The following SFMBT2 variants were observed in gnomAD, a reference collection of about 807,000 sequenced individuals.
SFMBT2 encodes Scm like with four mbt domains 2.
In SFMBT2, 38 loss-of-function variants were observed where a neutral mutation model predicts 110.1. The ratio of observed to expected loss-of-function variants is 0.35; its 90% CI spans 0.27 to 0.45. The LOEUF (loss-of-function observed/expected upper bound fraction) is 0.45, where lower values mean the gene tolerates loss of function less well. Ranked by LOEUF, SFMBT2 falls within the 20% of genes least tolerant of loss-of-function variation. The pLI, the probability that SFMBT2 is intolerant of heterozygous loss-of-function variation, is 1.00. For synonymous variants in SFMBT2, 425 were observed against 425.4 expected (o/e 1.00, Z 0.01); for missense variants, 1,011 against 1,094.9 (o/e 0.92, Z 1.08).
intron 7 of SFMBT2, among the ~76,000 whole-genome samples, chr10:7,256,516 C>G (rs1841012732): frequency 6.6e-6 from 1 of 152,154 alleles, no homozygotes; most frequent in African/African-American, 2.4e-5. Flanking sequence ...AAATGTTTAC[C>G]TACAGCCAGT....
At chr10:7,261,137 A>G (rs757877209) in intron 7 of SFMBT2, among the ~76,000 whole-genome samples, 26 of 152,162 alleles carry the variant, frequency 1.7e-4, no homozygotes, top group Admixed American at 1.0e-3. Flanking sequence ...GTGAGATAGT[A>G]TATGCACAGT....
chr10:7,285,821 TG>T, intron 5 of SFMBT2, 44 bp downstream of exon 5: 1 of 853,020 alleles, frequency 1.2e-6, no homozygotes, highest in Non-Finnish European at 2.1e-6. Context: ...CTCACGTAAC[TG>T]GGGTGCTTCA....
At chr10:7,308,653 C>G (rs1479031181) in intron 4 of SFMBT2, among the ~76,000 whole-genome samples, 2 of 152,300 alleles carry the variant, frequency 1.3e-5, no homozygotes, top group African/African-American at 4.8e-5. Flanking sequence ...CCTGGCTCCC[C>G]TGCAGCTCTC....
At chr10:7,285,711 A>T in intron 5 of SFMBT2, 155 bp downstream of exon 5, 1 of 645,852 alleles carries the variant, frequency 1.5e-6, no homozygotes, top group Middle Eastern at 4.0e-4. Context: ...TCACCTAAGT[A>T]ATTCAGGACA....
At chr10:7,369,512 A>C (rs1052634832) in intron 3 of SFMBT2, among the ~76,000 whole-genome samples, 3 of 152,212 alleles carry the variant, frequency 2.0e-5, no homozygotes, top group Non-Finnish European at 4.4e-5. Flanking sequence ...CCAGTGCTGG[A>C]CATGCTATTT....
chr10:7,276,946 C>T lies in SFMBT2; in HGVS notation c.816G>A (p.Leu272=). The T allele has an allele frequency of 1.1e-6, 1 of 872,870 alleles. No individual in the cohort carries two copies. Among genetic ancestry groups the T allele is most frequent in the South Asian group, 1.3e-5 (1 of 76,536 alleles). 54.1% of individuals were successfully genotyped at this position (872,870 alleles called of 1,614,324 possible). ...LKMASEWKCT[L]EKSLIDAAKF... ...TGGCAGCATCAATAAGGGATTTTTC[C>T]AGAGTACATTTCCATTCAGAGGCCA... The change falls in exon 7 of 21, where the codon CTG becomes CTA. Residue 272 remains leucine, a synonymous_variant. Coordinates refer to ENST00000397167, the MANE Select transcript of SFMBT2 (RefSeq NM_001387889.1).
chr10:7,248,330 A>G (rs1258462214), intron 8 of SFMBT2, among the ~76,000 whole-genome samples: 3 of 152,268 alleles, frequency 2.0e-5, no homozygotes. Flanking sequence ...CACCCTATCC[A>G]TGATAAGAGG....
chr10:7,205,132 T>C, intron 12 of SFMBT2: 1 of 224,182 alleles, frequency 4.5e-6, no homozygotes, highest in Non-Finnish European at 7.5e-6. Context: ...TGGAGTCTAC[T>C]GGTGCTTGGT....
chr10:7,222,280 G>A (rs1441826946), intron 10 of SFMBT2, among the ~76,000 whole-genome samples: 6 of 152,230 alleles, frequency 3.9e-5, no homozygotes, highest in Non-Finnish European at 7.3e-5. Flanking sequence ...CAGTGATTGT[G>A]ATTAAAGCTG....
chr10:7,368,870 C>T (rs1274999303), intron 3 of SFMBT2, among the ~76,000 whole-genome samples: 3 of 152,186 alleles, frequency 2.0e-5, no homozygotes, highest in African/African-American at 7.2e-5. Flanking sequence ...TTTTACTAAA[C>T]AGCCACAATC....
At chr10:7,358,161 C>G (rs1844582028) in intron 4 of SFMBT2, among the ~76,000 whole-genome samples, 1 of 135,374 alleles carries the variant, frequency 7.4e-6, no homozygotes, top group African/African-American at 2.5e-5. Context: ...CCTGGAACAT[C>G]TGCATGGCCC....
intron 4 of SFMBT2, among the ~76,000 whole-genome samples, chr10:7,309,066 C>G (rs1842775505): frequency 6.6e-6 from 1 of 152,186 alleles, no homozygotes; most frequent in African/African-American, 2.4e-5. Context: ...AAACATTATT[C>G]TGGGTGCATC....
At position 7,163,603 on chromosome 10, in the gene SFMBT2, G is replaced by A. The variant is rs894999237; in HGVS notation, c.*167C>T. 54 of 624,552 alleles carry A rather than the reference G, an allele frequency of 8.6e-5. No homozygotes were observed. Among genetic ancestry groups the A allele is most frequent in the Non-Finnish European group, 1.4e-4 (50 of 364,352 alleles). 38.7% of individuals were successfully genotyped at this position (624,552 alleles called of 1,614,324 possible). Reference sequence around the variant, plus strand: ...ACTGCTGCTGTGCTTTGAAAACATGGAAACAGCTCACAGGCTGGCGGAGGC... The same window carrying A: ...ACTGCTGCTGTGCTTTGAAAACATGAAAACAGCTCACAGGCTGGCGGAGGC... On this transcript the variant is annotated 3_prime_UTR_variant, in exon 21 of 21. Transcript: ENST00000397167. This position sits in a 1 kb window ranked among gnomAD's most constrained non-coding sequence, Gnocchi z 4.8.
intron 4 of SFMBT2, among the ~76,000 whole-genome samples, chr10:7,304,036 G>A (rs889512787): frequency 1.3e-5 from 2 of 152,208 alleles, no homozygotes; most frequent in African/African-American, 2.4e-5. Context: ...GCATGGGCGA[G>A]GTGGGCCACG....
chr10:7,235,865 C>T (rs184410928), intron 9 of SFMBT2, among the ~76,000 whole-genome samples: 43 of 152,232 alleles, frequency 2.8e-4, no homozygotes, highest in Non-Finnish European at 4.7e-4. Flanking sequence ...AATACATGTA[C>T]ATTACCAAAA....
chr10:7,356,957 C>T (rs1445449172), intron 4 of SFMBT2, among the ~76,000 whole-genome samples: 2 of 152,214 alleles, frequency 1.3e-5, no homozygotes, highest in Admixed American at 6.5e-5. Context: ...TTTCAAGAGA[C>T]TCTCTGACCT....
At chr10:7,396,614 A>G (rs752556933) in intron 1 of SFMBT2, among the ~76,000 whole-genome samples, 23 of 152,178 alleles carry the variant, frequency 1.5e-4, no homozygotes, top group Non-Finnish European at 2.2e-4. Context: ...TCCTTCCCTT[A>G]TGCTAATTCT....
At chr10:7,278,641 A>T (rs1237612320) in intron 6 of SFMBT2, among the ~76,000 whole-genome samples, 2 of 152,276 alleles carry the variant, frequency 1.3e-5, no homozygotes, top group African/African-American at 4.8e-5. Context: ...AACAATGGGG[A>T]TTACCAAAGA....
In SFMBT2 at chr10:7,347,549, G is replaced by A. The variant is rs563242792; in HGVS notation, c.436+20100C>T. 2.8e-4 allele frequency among the ~76,000 whole-genome samples: 43 copies of A among 152,092 alleles called. No homozygotes were observed. The South Asian group carries it at 3.5e-3, about 12-fold the overall frequency. ...AAATTTAGAAGGAGAAAAGAAACCC[G>A]CAAAAATGACCAAATCTCTTTGTTT... On this transcript the variant is annotated intron_variant, in intron 4 of 20. Transcript: ENST00000397167.
Sources: allele counts gnomAD v4.1 joint callset (sites outside exome capture counted in the v4.1 genomes callset), GRCh38; gene constraint gnomAD v4.1.1; non-coding constraint Gnocchi (gnomAD v3.1); transcripts MANE v1.5; gene names NCBI Gene and HGNC (gene_info 2026-07-23, HGNC 2026-07-21).